The following WWOX variants were observed in gnomAD, a reference collection of about 807,000 sequenced individuals.
The protein encoded by WWOX is WW domain containing oxidoreductase.
In WWOX, 69 loss-of-function variants were observed where a neutral mutation model predicts 46.2. The ratio of observed to expected loss-of-function variants is 1.49; its 90% CI spans 1.23 to 1.82. The LOEUF (loss-of-function observed/expected upper bound fraction) is 1.82. Among genes scored for constraint, WWOX ranks in the 40% most tolerant of loss-of-function variants. The probability of loss-of-function intolerance (pLI) is 0.00; values close to 1 mark genes in which losing one functional copy is unlikely to be tolerated. For synonymous variants in WWOX, 359 were observed against 202.6 expected (o/e 1.77, Z -6.56); for missense variants, 919 against 542.6 (o/e 1.69, Z -6.89).
chr16:78,444,563 C>G (rs11861120), intron 8 of WWOX, among the ~76,000 whole-genome samples: 2 of 146,322 alleles, frequency 1.4e-5, no homozygotes, highest in Non-Finnish European at 3.0e-5. Context: ...TGGAGTCTCA[C>G]TCTGTCACCA....
intron 8 of WWOX, among the ~76,000 whole-genome samples, chr16:78,570,264 G>T (rs115887014): frequency 1.1e-4 from 16 of 152,116 alleles, no homozygotes; most frequent in African/African-American, 3.4e-4. Context: ...AAAAACTTGC[G>T]TATAAATGTC....
chr16:78,783,555 A>C (rs1193531776), intron 8 of WWOX, among the ~76,000 whole-genome samples: 1 of 152,230 alleles, frequency 6.6e-6, no homozygotes, highest in Admixed American at 6.5e-5. Context: ...TAAGAGGTTG[A>C]TGTGTATGAG....
chr16:78,180,236 G>A (rs536171048), intron 5 of WWOX, among the ~76,000 whole-genome samples: 11 of 152,318 alleles, frequency 7.2e-5, no homozygotes, highest in Admixed American at 1.3e-4. Flanking sequence ...CTGGAGCAGT[G>A]GGAGCCGACT....
chr16:78,518,716 G>A (rs1365485230), intron 8 of WWOX, among the ~76,000 whole-genome samples: 1 of 152,188 alleles, frequency 6.6e-6, no homozygotes. Flanking sequence ...GAACCAGTGG[G>A]CAGCCACACA....
intron 8 of WWOX, among the ~76,000 whole-genome samples, chr16:78,727,880 G>A (rs2048873279): frequency 6.6e-6 from 1 of 151,912 alleles, no homozygotes; most frequent in South Asian, 2.1e-4. Flanking sequence ...TAAACTCTTA[G>A]TAGTTATCCA....
chr16:79,138,912 G>C (rs1193560022), intron 8 of WWOX, among the ~76,000 whole-genome samples: 1 of 152,180 alleles, frequency 6.6e-6, no homozygotes, highest in African/African-American at 2.4e-5. Flanking sequence ...TGGATGCCAA[G>C]GAGAATTCGA....
chr16:78,765,966 A>T (rs2049916472), intron 8 of WWOX, among the ~76,000 whole-genome samples: 1 of 152,200 alleles, frequency 6.6e-6, no homozygotes, highest in Admixed American at 6.5e-5. Context: ...TTGAAAGTAT[A>T]ACAAAAGTAT....
At chr16:78,506,606 T>C (rs1463451060) in intron 8 of WWOX, 3 of 151,804 alleles carry the variant, frequency 2.0e-5, no homozygotes, top group Non-Finnish European at 4.4e-5. Flanking sequence ...CTGTTCAAAG[T>C]TCTGTGGTGA....
intron 8 of WWOX, among the ~76,000 whole-genome samples, chr16:78,803,356 G>C: frequency 6.6e-6 from 1 of 152,028 alleles, no homozygotes; most frequent in Non-Finnish European, 1.5e-5. Flanking sequence ...TCATTCTCAA[G>C]TGTAGTATTT....
intron 8 of WWOX, among the ~76,000 whole-genome samples, chr16:78,545,410 A>G (rs1207882948): frequency 2.6e-5 from 4 of 152,062 alleles, no homozygotes; most frequent in Non-Finnish European, 5.9e-5. Context: ...AAGAGATGGG[A>G]TTTCATTATG....
intron 8 of WWOX, among the ~76,000 whole-genome samples, chr16:78,881,453 G>T (rs1443456179): frequency 1.3e-5 from 2 of 152,160 alleles, no homozygotes; most frequent in South Asian, 2.1e-4. Context: ...GAAAATCAGA[G>T]AATAAAAGTT....
At chr16:78,296,151 G>A (rs1347414917) in intron 5 of WWOX, among the ~76,000 whole-genome samples, 2 of 152,166 alleles carry the variant, frequency 1.3e-5, no homozygotes, top group Non-Finnish European at 2.9e-5. Context: ...GTAAATATGA[G>A]TTCTGTATCA....
At chr16:78,462,981 C>G (rs746418587) in intron 8 of WWOX, among the ~76,000 whole-genome samples, 3 of 152,224 alleles carry the variant, frequency 2.0e-5, no homozygotes, top group Non-Finnish European at 4.4e-5. Flanking sequence ...TAAATGTCCT[C>G]TGATCTCTCC....
intron 8 of WWOX, among the ~76,000 whole-genome samples, chr16:78,520,893 A>G (rs1037373584): frequency 1.3e-5 from 2 of 152,150 alleles, no homozygotes; most frequent in East Asian, 1.9e-4. Context: ...ACATTTTGCC[A>G]TGGTGTTAAC....
intron 8 of WWOX, among the ~76,000 whole-genome samples, chr16:78,561,019 G>A (rs1185501868): frequency 1.3e-5 from 2 of 152,144 alleles, no homozygotes; most frequent in African/African-American, 2.4e-5. Context: ...AAAGGTGTCC[G>A]CTGGAGGAAC....
chr16:78,127,516 GA>G (rs35507203), intron 4 of WWOX, among the ~76,000 whole-genome samples: 33 of 122,384 alleles, frequency 2.7e-4, no homozygotes, highest in South Asian at 8.6e-4. Flanking sequence ...ATAATCAACG[GA>G]AAAAAAAAAA....
intron 8 of WWOX, among the ~76,000 whole-genome samples, chr16:78,954,941 C>T (rs7205145): frequency 0.012 from 1,758 of 152,180 alleles, 31 homozygotes; most frequent in African/African-American, 0.039. Context: ...AGGCACGGGA[C>T]ACCATGCCAG....
chr16:78,637,430 A>T (rs533388454), intron 8 of WWOX, among the ~76,000 whole-genome samples: 8 of 147,808 alleles, frequency 5.4e-5, no homozygotes, highest in African/African-American at 2.1e-4. Flanking sequence ...AACAAGAGTG[A>T]AACTCTGTCT....
At chr16:78,151,808 T>C (rs2034417841) in intron 4 of WWOX, among the ~76,000 whole-genome samples, 1 of 152,184 alleles carries the variant, frequency 6.6e-6, no homozygotes, top group South Asian at 2.1e-4. Flanking sequence ...CCGGTAACTC[T>C]CTCCTGCAGT....
Sources: allele counts gnomAD v4.1 joint callset (sites outside exome capture counted in the v4.1 genomes callset), GRCh38; gene constraint gnomAD v4.1.1; transcripts MANE v1.5; gene names NCBI Gene and HGNC (gene_info 2026-07-23, HGNC 2026-07-21).